Variants in CHRND observed in about 807,000 individuals in gnomAD.
CHRND encodes the protein cholinergic receptor nicotinic delta subunit, also known as acetylcholine receptor subunit delta.
A neutral mutation model predicts 57.8 loss-of-function variants in CHRND; 40 were observed. That is an observed-to-expected ratio of 0.69 (90% CI 0.54 to 0.90). The LOEUF (loss-of-function observed/expected upper bound fraction) is 0.90. Among genes scored for constraint, CHRND ranks in the 40% least tolerant of loss-of-function variants. The pLI is 0.00. For missense variants in CHRND, 634 were observed against 673.9 expected (o/e 0.94, Z 0.66); for synonymous variants, 237 against 270.6 (o/e 0.88, Z 1.22).
At chr2:232,533,799 C>A in intron 9 of CHRND, 132 bp from the exon 10 acceptor site, 1 of 910,036 alleles carries the variant, frequency 1.1e-6, no homozygotes, top group South Asian at 1.3e-5. Flanking sequence ...ATCACTTGAA[C>A]CCGAGAGGTG....
intron 6 of CHRND, among the ~76,000 whole-genome samples, chr2:232,529,352 G>A (rs1478307767): frequency 6.6e-6 from 1 of 152,122 alleles, no homozygotes; most frequent in African/African-American, 2.4e-5. Context: ...TATCCTGATG[G>A]GGGTGTCTGC....
At chr2:232,529,441 C>T (rs986515823) in intron 6 of CHRND, among the ~76,000 whole-genome samples, 14 of 152,200 alleles carry the variant, frequency 9.2e-5, no homozygotes, top group Middle Eastern at 3.2e-3. Context: ...CCCTGTCCAT[C>T]AGAAGGGACC....
At chr2:232,530,918 G>C (rs1236439135) in intron 7 of CHRND, among the ~76,000 whole-genome samples, 1 of 152,194 alleles carries the variant, frequency 6.6e-6, no homozygotes, top group African/African-American at 2.4e-5. Context: ...GAGGGGCTGG[G>C]AGTTGAGGTG....
intron 6 of CHRND, 104 bp from the exon 7 acceptor site, chr2:232,529,835 G>T: frequency 8.0e-7 from 1 of 1,257,042 alleles, no homozygotes; most frequent in Non-Finnish European, 1.1e-6. Context: ...GCCCATCTGC[G>T]TCTCTGGACT....
chr2:232,527,338 G>A (rs1386372709), intron 2 of CHRND, 63 bp from the exon 3 acceptor site: 1 of 1,359,264 alleles, frequency 7.4e-7, no homozygotes, highest in Non-Finnish European at 1.1e-6. Context: ...GAGAGAGTGG[G>A]TGAATGTGTG....
intron 2 of CHRND, 82 bp from the exon 3 acceptor site, chr2:232,527,319 A>AGAGG: frequency 8.1e-7 from 1 of 1,231,120 alleles, no homozygotes; most frequent in Admixed American, 1.7e-5. Context: ...AAAGAGAGAG[A>AGAGG]GAGAGAGAGA....
chr2:232,531,520 C>G, intron 8 of CHRND, 22 bp from the exon 9 acceptor site: 1 of 1,613,910 alleles, frequency 6.2e-7, no homozygotes, highest in Non-Finnish European at 8.5e-7. Context: ...CTGGGAGCTC[C>G]AAGCTGAGTG....
At position 232,526,618 on chromosome 2, in the gene CHRND, A is replaced by G. The variant is rs1691479669; in HGVS notation, c.142A>G (p.Lys48Glu). 6.2e-7 allele frequency: 1 copy of G among 1,613,754 alleles called. No homozygotes were observed. Among genetic ancestry groups the G allele is most frequent in the Non-Finnish European group, 8.5e-7 (1 of 1,179,994 alleles). The change falls in exon 2 of 12, where the codon AAA becomes GAA. Residue 48 changes from lysine (K) to glutamate (E), a missense_variant. Coordinates refer to ENST00000258385, the MANE Select transcript of CHRND (RefSeq NM_000751.3). ...YNKELRPVAH[K>E]EESVDVALAL... is the part of the protein sequence containing the mutation. ...CAAGGAGCTCCGGCCCGTGGCACAC[A>G]AAGAGGAGAGTGTGGACGTTGCCCT...
chr2:232,533,863 G>A (rs1691792846), intron 9 of CHRND, 68 bp from the exon 10 acceptor site: 3 of 1,524,950 alleles, frequency 2.0e-6, no homozygotes, highest in Non-Finnish European at 2.7e-6. Flanking sequence ...GTGACAGAAT[G>A]AGACTCCGTC....
In CHRND at chr2:232,528,498, C is replaced by A; in HGVS notation, c.354-3C>A. 6.2e-7 allele frequency: 1 copy of A among 1,614,108 alleles called. No individual in the cohort carries two copies. Among genetic ancestry groups the A allele is most frequent in the Non-Finnish European group, 8.5e-7 (1 of 1,180,024 alleles). On this transcript the variant is annotated splice_region_variant and splice_polypyrimidine_tract_variant and intron_variant, in intron 4 of 11. Coordinates refer to ENST00000258385, the MANE Select transcript of CHRND (RefSeq NM_000751.3). The stretch of plus-strand genomic sequence containing the variant: ...CACTATGGTTCTTGTCCCTGTCCCC[C>A]AGCAATGACGGCTCCTTCCAGATCT...
Position 232,536,163 on chromosome 2 carries a change from G to A in CHRND, c.*851G>A, listed in dbSNP as rs895701896. The A allele has an allele frequency of 2.2e-6, 1 of 454,044 alleles. No homozygotes were observed. Among genetic ancestry groups the A allele is most frequent in the Non-Finnish European group, 4.4e-6 (1 of 226,818 alleles). 28.1% of individuals were successfully genotyped at this position (454,044 alleles called of 1,614,324 possible). Reference sequence around the variant, plus strand: ...ATCCTGAGGGCCAAAGGCCAAGGCTGCAGGAATTGGGAGACAAGGGTCTGT... The same window carrying A: ...ATCCTGAGGGCCAAAGGCCAAGGCTACAGGAATTGGGAGACAAGGGTCTGT... On this transcript the variant is annotated 3_prime_UTR_variant, in exon 12 of 12. Transcript: ENST00000258385.
intron 6 of CHRND, among the ~76,000 whole-genome samples, chr2:232,529,245 G>A (rs538082642): frequency 6.6e-6 from 1 of 152,312 alleles, no homozygotes; most frequent in Admixed American, 6.5e-5. Flanking sequence ...AGGCCCGGAA[G>A]TCATGCTTCT....
rs121909506 is a variant in CHRND at position 232,528,301 on chromosome 2, T to C, written c.283T>C (p.Phe95Leu). ...DNRLKWNAEE[F>L]GNISVLRLPP... ...CCGGCTGAAGTGGAATGCTGAAGAATTTGGAAACATCAGTGTCCTGCGCCT... is the reference window on the plus strand; with the variant it reads ...CCGGCTGAAGTGGAATGCTGAAGAACTTGGAAACATCAGTGTCCTGCGCCT... Residue 95 changes from phenylalanine to leucine, a missense_variant, in exon 4 of 12, where the codon TTT becomes CTT. Transcript: ENST00000258385. 2.5e-6 allele frequency: 4 copies of C among 1,613,976 alleles called. No individual in the cohort carries two copies. Among genetic ancestry groups the C allele is most frequent in the Non-Finnish European group, 3.4e-6 (4 of 1,180,022 alleles).
chr2:232,528,172 A>T (rs1691551774), intron 3 of CHRND, 90 bp from the exon 4 acceptor site: 1 of 1,219,328 alleles, frequency 8.2e-7, no homozygotes, highest in African/African-American at 1.5e-5. Flanking sequence ...CAGCTCTCAG[A>T]CCCTGTTCAG....
At chr2:232,526,454 A>G in intron 1 of CHRND, 75 bp from the exon 2 acceptor site, 1 of 1,606,124 alleles carries the variant, frequency 6.2e-7, no homozygotes, top group Non-Finnish European at 8.5e-7. Context: ...ATGGTCCAGC[A>G]GGACCTCAGG....
Position 232,531,463 on chromosome 2 carries a change from A to G in CHRND, c.932A>G (p.Lys311Arg). Residue 311 changes from lysine (K) to arginine (R), a missense_variant and splice_region_variant, in exon 8 of 12, where the codon AAG becomes AGG. Coordinates refer to ENST00000258385, the MANE Select transcript of CHRND (RefSeq NM_000751.3). ...TCCATGGCCATCCCCCTTATCGGCA[A>G]GTGAGTGACGCTCAAGCCCGGCCTC... ...ATSMAIPLIG[K>R]FLLFGMVLVT... The G allele has an allele frequency of 6.2e-7, 1 of 1,613,914 alleles. No individual in the cohort carries two copies.
rs1490888830 is a variant in CHRND at position 232,535,390 on chromosome 2, C to A, written c.*78C>A. 1.9e-6 allele frequency: 3 copies of A among 1,554,718 alleles called. No homozygotes were observed. Among genetic ancestry groups the A allele is most frequent in the Non-Finnish European group, 1.8e-6 (2 of 1,139,364 alleles). On this transcript the variant is annotated 3_prime_UTR_variant, in exon 12 of 12. Transcript: ENST00000258385. ...GTCCCTAATGACACCCACTCCTAGC[C>A]CTGAGGCTCGTGCCCCTCAGACTGG... is the stretch of plus-strand genomic sequence containing the variant.
intron 11 of CHRND, 112 bp from the exon 12 acceptor site, chr2:232,535,018 C>T: frequency 7.8e-7 from 1 of 1,280,848 alleles, no homozygotes; most frequent in Non-Finnish European, 1.1e-6. Flanking sequence ...CCGAGGCAGC[C>T]TCTGCAGGCA....
chr2:232,535,041 C>A lies in CHRND; in HGVS notation c.1372-89C>A, dbSNP rs1318591050. ...GCCTCTGCAGGCACACTGAGCCGCC[C>A]TCTGCCTCCATGGCTGGGCCCCAGC... On this transcript the variant is annotated intron_variant, in intron 11 of 11. Coordinates refer to ENST00000258385, the MANE Select transcript of CHRND (RefSeq NM_000751.3). 2.6e-6 allele frequency: 4 copies of A among 1,514,422 alleles called. No individual in the cohort carries two copies. The Admixed American group carries it at 5.1e-5, about 19-fold the overall frequency. The allele number at this position is 1,514,422 out of a possible 1,614,324, so 93.8% of individuals were successfully genotyped here.
Sources: allele counts gnomAD v4.1 joint callset (sites outside exome capture counted in the v4.1 genomes callset), GRCh38; gene constraint gnomAD v4.1.1; transcripts MANE v1.5; gene names NCBI Gene and HGNC (gene_info 2026-07-23, HGNC 2026-07-21).